ZNF280C: variants seen among roughly 807,000 people sequenced by gnomAD.
ZNF280C encodes the protein suppressor of hairy wing homolog 3.
Under a neutral mutation model 53.6 loss-of-function variants are expected in ZNF280C, and 14 were observed. The observed-to-expected ratio is 0.26, with a 90% CI of 0.17 to 0.41. ZNF280C has a LOEUF of 0.41. Among genes scored for constraint, ZNF280C ranks in the 10% least tolerant of loss-of-function variants. The pLI is 1.00. For synonymous variants in ZNF280C, 203 were observed against 181.1 expected (o/e 1.12, Z -0.97); for missense variants, 416 against 547.1 (o/e 0.76, Z 2.39).
chrX:130,206,569 T>C (rs12014714), intron 16 of ZNF280C, among the ~76,000 whole-genome samples: 1 of 110,624 alleles, frequency 9.0e-6, no homozygotes, highest in Non-Finnish European at 1.9e-5. Context: ...GGTTTCACTG[T>C]GTTAGCCAGG....
At chrX:130,247,811 G>A (rs937524747) in intron 2 of ZNF280C, among the ~76,000 whole-genome samples, 3 of 110,282 alleles carry the variant, frequency 2.7e-5, no homozygotes, top group African/African-American at 9.9e-5. Context: ...GGTATATCAG[G>A]CACAGGGCAA....
At chrX:130,247,180 C>T (rs1376969719) in intron 2 of ZNF280C, among the ~76,000 whole-genome samples, 175 bp from the exon 3 acceptor site, 1 of 112,290 alleles carries the variant, frequency 8.9e-6, no homozygotes, top group African/African-American at 3.2e-5. Context: ...GTGATCTCGG[C>T]TCACTGCAAC....
chrX:130,228,437 C>A (rs2032242803), intron 10 of ZNF280C, among the ~76,000 whole-genome samples: 1 of 108,097 alleles, frequency 9.3e-6, no homozygotes. Context: ...GCGTGCGCCA[C>A]CTTGCCTGGC....
rs780850188 is a variant in ZNF280C at position 130,215,282 on chromosome X, A to G, written c.1890T>C (p.Asp630=). Residue 630 remains aspartate (D), a synonymous_variant, in exon 15 of 19, where the codon GAT becomes GAC. Coordinates refer to ENST00000370978, the MANE Select transcript of ZNF280C (RefSeq NM_017666.5). ...TGTATATAGAAAAGTGGCTTGCAAA[A>G]TCTTTTATTTTGGAATGACATTCAA... ...KCIECHSKIK[D]FASHFSIYIH... The G allele has an allele frequency of 1.7e-6, 2 of 1,202,192 alleles. No individual in the cohort carries two copies. The highest frequency in any genetic ancestry group is 2.2e-6 in the Non-Finnish European group (2 of 891,372).
Position 130,239,666 on chromosome X carries a change from A to T in ZNF280C, c.409T>A (p.Ser137Thr), listed in dbSNP as rs2032368806. Residue 137 changes from serine to threonine, a missense_variant, in exon 6 of 19, where the codon TCG (serine) becomes ACG (threonine). Ser to Thr is a moderately conservative substitution (Grantham distance 58). Around this residue, in one of 3 missense-constraint regions of ZNF280C, gnomAD observed 193 missense variants for 201.4 expected, o/e 0.96. Coordinates refer to ENST00000370978, the MANE Select transcript of ZNF280C (RefSeq NM_017666.5). ...AACAGTAAAATTGAAGAATTATCCG[A>T]TCCAACTTGTGAATTCTTTGTAAAA... ...PDFTKNSQVG[S>T]DNSSILLFDS... is the part of the protein sequence containing the mutation. 8.4e-7 allele frequency: 1 copy of T among 1,186,819 alleles called. No homozygotes were observed. The highest frequency in any genetic ancestry group is 1.8e-5 in the African/African-American group (1 of 56,870).
chrX:130,249,936 T>G (rs190999707), intron 2 of ZNF280C, among the ~76,000 whole-genome samples: 1 of 111,754 alleles, frequency 8.9e-6, no homozygotes, highest in African/African-American at 3.3e-5. Context: ...CAGGAGCTGA[T>G]AGACAAAATA....
At chrX:130,238,140 C>A (rs1353025553) in intron 6 of ZNF280C, among the ~76,000 whole-genome samples, 1 of 111,069 alleles carries the variant, frequency 9.0e-6, no homozygotes. Context: ...AAGAACTCTC[C>A]ATGATCATCT....
chrX:130,238,584 C>T (rs972187905), intron 6 of ZNF280C, among the ~76,000 whole-genome samples: 2 of 110,986 alleles, frequency 1.8e-5, no homozygotes, highest in Non-Finnish European at 3.8e-5. Flanking sequence ...ACTGTCTTTA[C>T]CCTTTGGAAG....
chrX:130,249,143 G>A (rs1161623893), intron 2 of ZNF280C, among the ~76,000 whole-genome samples: 2 of 111,072 alleles, frequency 1.8e-5, no homozygotes, highest in South Asian at 3.9e-4. Flanking sequence ...CATGTACAAA[G>A]AGTGCATACA....
intron 1 of ZNF280C, among the ~76,000 whole-genome samples, chrX:130,266,637 CA>C (rs1166119334): frequency 2.8e-5 from 3 of 106,589 alleles, no homozygotes; most frequent in African/African-American, 1.0e-4. Context: ...AAAAAGGAAA[CA>C]AAAAAATGAA....
intron 2 of ZNF280C, among the ~76,000 whole-genome samples, chrX:130,256,372 CAT>C (rs1370929913): frequency 4.5e-5 from 5 of 111,633 alleles, no homozygotes; most frequent in Non-Finnish European, 9.4e-5. Flanking sequence ...AAATATTAAA[CAT>C]TAAATTGTTA....
chrX:130,232,149 G>A (rs1022219663), intron 8 of ZNF280C, among the ~76,000 whole-genome samples: 30 of 106,091 alleles, frequency 2.8e-4, no homozygotes, highest in Non-Finnish European at 4.6e-4. Flanking sequence ...CAGCTAACCT[G>A]CCATTCTCCA....
chrX:130,251,299 A>AAAAAAAAAAAAAAAAAAAAAAAAC (rs2032506319), intron 2 of ZNF280C, among the ~76,000 whole-genome samples: 1 of 101,739 alleles, frequency 9.8e-6, no homozygotes, highest in Admixed American at 1.1e-4. Context: ...AAAAAAAAAA[A>AAAAAAAAAAAAAAAAAAAAAAAAC]AAAAAAAAGA....
chrX:130,234,321 C>T (rs1203474574), intron 8 of ZNF280C, among the ~76,000 whole-genome samples: 2 of 111,260 alleles, frequency 1.8e-5, no homozygotes, highest in African/African-American at 6.5e-5. Context: ...CTAAAGGGTG[C>T]ACCCACAATG....
intron 2 of ZNF280C, among the ~76,000 whole-genome samples, chrX:130,255,628 A>G (rs1439940910): frequency 8.9e-6 from 1 of 111,843 alleles, no homozygotes; most frequent in East Asian, 2.8e-4. Context: ...TAAAAACTAC[A>G]CTAGCGGGAC....
intron 2 of ZNF280C, among the ~76,000 whole-genome samples, chrX:130,256,823 C>T (rs757501281): frequency 9.7e-4 from 105 of 108,243 alleles, no homozygotes; most frequent in African/African-American, 3.2e-3. Context: ...TGCTGGAACC[C>T]GGGAGGTAAA....
In ZNF280C at chrX:130,212,973, A is replaced by T. The variant is rs191809933; in HGVS notation, c.1979+2220T>A. 2.2e-4 allele frequency among the ~76,000 whole-genome samples: 25 copies of T among 112,423 alleles called. No individual in the cohort carries two copies. In the East Asian group the frequency reaches 6.7e-3, roughly 30 times the overall value. On this transcript the variant is annotated intron_variant, in intron 15 of 18. Coordinates refer to ENST00000370978, the MANE Select transcript of ZNF280C (RefSeq NM_017666.5). ...GAAAAAGTTAATCTTGAGAAAAACG[A>T]AAAGTATGACCTCTGAGTAATTATT...
rs1424417684 is a variant in ZNF280C at position 130,255,234 on chromosome X, G to A, written c.31+5185C>T. 5.1e-5 allele frequency among the ~76,000 whole-genome samples: 5 copies of A among 97,125 alleles called. No homozygotes were observed. In the East Asian group the frequency reaches 1.3e-3, roughly 25 times the overall value. 84.3% of individuals were successfully genotyped at this position (97,125 alleles called of 115,157 possible). ...CGGCTCACTGCAAGCTCCGCCTCCC[G>A]GGTTCACGCCATTCTCCTTCCTCAG... On this transcript the variant is annotated intron_variant, in intron 2 of 18. Transcript: ENST00000370978.
chrX:130,236,376 G>T, intron 7 of ZNF280C, 56 bp from the exon 8 acceptor site: 3 of 1,123,450 alleles, frequency 2.7e-6, no homozygotes, highest in South Asian at 2.1e-5. Flanking sequence ...AACCTTAAAT[G>T]ACCACTAATA....
Sources: gnomAD v4.1 joint callset for allele counts (sites outside exome capture counted in the v4.1 genomes callset) on GRCh38, gnomAD v4.1.1 for gene constraint, gnomAD v4.1.1 regional missense constraint, MANE v1.5 for transcripts, NCBI Gene and HGNC (gene_info 2026-07-23, HGNC 2026-07-21) for gene names.